GGA1: variants seen among roughly 807,000 people sequenced by gnomAD.
GGA1 encodes the protein ADP-ribosylation factor-binding protein GGA1.
In GGA1, 18 loss-of-function variants were observed where a neutral mutation model predicts 76.9. That is an observed-to-expected ratio of 0.23 (90% CI 0.16 to 0.35). The LOEUF (loss-of-function observed/expected upper bound fraction) is 0.35. Ranked by LOEUF, GGA1 falls within the 10% of genes least tolerant of loss-of-function variation. The pLI is 1.00. For synonymous variants in GGA1, 342 were observed against 354.7 expected (o/e 0.96, Z 0.40); for missense variants, 755 against 859.0 (o/e 0.88, Z 1.51).
rs1455938705 is a variant in GGA1, at chr22:37,614,204, C to A, written c.58C>A (p.Pro20Thr). The A allele has an allele frequency of 3.1e-6, 5 of 1,613,084 alleles. No individual in the cohort carries two copies. In the Admixed American group the frequency reaches 5.0e-5, roughly 16 times the overall value. Reference sequence around the variant, plus strand: ...TCCTCTTCCAGATAGAGCCACGAACCCCCTGAACAAGGAGCTCGACTGGGC... The same window carrying A: ...TCCTCTTCCAGATAGAGCCACGAACACCCTGAACAAGGAGCTCGACTGGGC... ...LEARINRATN[P>T]LNKELDWASI... is the part of the protein sequence containing the mutation. Residue 20 changes from proline (P) to threonine (T), a missense_variant, in exon 2 of 17, where the codon CCC (proline) becomes ACC (threonine). Pro to Thr is a conservative substitution (Grantham distance 38, BLOSUM62 -1). Transcript: ENST00000343632.
Position 37,629,987 on chromosome 22 carries a change from T to C in GGA1, c.1159-11T>C, listed in dbSNP as rs1304971252. On this transcript the variant is annotated splice_polypyrimidine_tract_variant and intron_variant, in intron 12 of 16. Transcript: ENST00000343632. ...GACAGCCCCACCCCACCTGCATCCT[T>C]TTCCCCACAGTCGTCGGATGCCACT... The C allele has an allele frequency of 6.5e-7, 1 of 1,538,774 alleles. No homozygotes were observed. The highest frequency in any genetic ancestry group is 8.8e-7 in the Non-Finnish European group (1 of 1,139,332).
chr22:37,624,906 C>T lies in GGA1; in HGVS notation c.833-63C>T. On this transcript the variant is annotated intron_variant, in intron 9 of 16. Transcript: ENST00000343632. The surrounding 1 kb of genome is among the most constrained non-coding windows in gnomAD (Gnocchi z 4.3). ...GCTGTGATGGATGTGGGGTCCTCGTCCCCTGCCGCCCAGAGGCCCCCACAG... is the reference window on the plus strand; with the variant it reads ...GCTGTGATGGATGTGGGGTCCTCGTTCCCTGCCGCCCAGAGGCCCCCACAG... 1 of 1,531,384 alleles carries T rather than the reference C, an allele frequency of 6.5e-7. No homozygotes were observed. The allele number at this position is 1,531,384 out of a possible 1,614,324, so 94.9% of individuals were successfully genotyped here.
chr22:37,629,523 C>A lies in GGA1; in HGVS notation c.1155C>A (p.Phe385Leu), dbSNP rs774772612. ...TGGATGGTACCGGATGGAACAGCTT[C>A]CAGGTAGGAGGGGACCACAAACTAG... ...PSLDGTGWNS[F>L]QSSDATEPPA... The change falls in exon 12 of 17, where the codon TTC becomes TTA. Residue 385 changes from phenylalanine to leucine, a missense_variant. By Grantham distance (22) the Phe-to-Leu change is conservative (BLOSUM62 0). Transcript: ENST00000343632. 6.4e-7 allele frequency: 1 copy of A among 1,573,922 alleles called. No homozygotes were observed. Among genetic ancestry groups the A allele is most frequent in the Non-Finnish European group, 8.6e-7 (1 of 1,162,332 alleles).
At chr22:37,620,574 C>A (rs1929698365) in intron 5 of GGA1, among the ~76,000 whole-genome samples, 1 of 152,200 alleles carries the variant, frequency 6.6e-6, no homozygotes, top group African/African-American at 2.4e-5. Context: ...TCAAGCTTCC[C>A]CTCAAAGAGT....
At chr22:37,621,763 G>A in intron 7 of GGA1, 67 bp downstream of exon 7, 1 of 1,020,960 alleles carries the variant, frequency 9.8e-7, no homozygotes, top group South Asian at 1.4e-5. Context: ...CACTGAGATG[G>A]GGCTGTATGC....
rs933908433 is a variant in GGA1, at chr22:37,630,055, A to G, written c.1216A>G (p.Ser406Gly). The G allele has an allele frequency of 2.5e-6, 4 of 1,606,004 alleles. No homozygotes were observed. The Admixed American group carries it at 5.0e-5, about 20-fold the overall frequency. The change falls in exon 13 of 17, where the codon AGC becomes GGC. Residue 406 changes from serine to glycine, a missense_variant. Physicochemically the swap from Ser to Gly is moderately conservative, Grantham distance 56. Transcript: ENST00000343632. The part of the protein sequence containing the change: ...PALAQAPSME[S>G]RPPAQTSLPA... The stretch of plus-strand genomic sequence containing the variant: ...TCTGGCCCAGGCCCCCAGTATGGAA[A>G]GCCGACCCCCAGCGCAGACATCCCT...
chr22:37,630,691 T>C (rs1931644698), intron 13 of GGA1: 1 of 554,936 alleles, frequency 1.8e-6, no homozygotes, highest in Admixed American at 3.6e-5. Context: ...GTCAGGCTCC[T>C]GAGTAGCTGG....
chr22:37,610,167 TG>T (rs1339971756), intron 1 of GGA1: 3 of 151,978 alleles, frequency 2.0e-5, no homozygotes, highest in Non-Finnish European at 4.4e-5. Context: ...TTAGAAACAG[TG>T]GGGGTTTTCT....
At chr22:37,631,226 G>A (rs1387520892) in intron 14 of GGA1, 127 bp downstream of exon 14, 8 of 699,040 alleles carry the variant, frequency 1.1e-5, no homozygotes, top group African/African-American at 9.2e-5. Flanking sequence ...CCAGAGGGGA[G>A]CTCTGAACAA....
In GGA1 at chr22:37,632,491, C is replaced by T. The variant is rs140244446; in HGVS notation, c.1785C>T (p.Val595=). The T allele has an allele frequency of 1.3e-5, 21 of 1,613,380 alleles. No homozygotes were observed. In the African/African-American group the frequency reaches 2.4e-4, roughly 18 times the overall value. ...TCCACCCCTCAGCAATCACCCAGGT[C>T]CTGCTGCTTGCCAACCCCCAGAAGG... ...PIVHPSAITQ[V]LLLANPQKEK... Residue 595 remains valine (V), a synonymous_variant, in exon 16 of 17, where the codon GTC becomes GTT. Transcript: ENST00000343632. The surrounding 1 kb of genome is among the most constrained non-coding windows in gnomAD (Gnocchi z 5.1).
chr22:37,609,376 C>T (rs890324956), intron 1 of GGA1: 13 of 1,068,848 alleles, frequency 1.2e-5, no homozygotes, highest in South Asian at 2.0e-5. Flanking sequence ...CACATTTGCT[C>T]ATTACCCCGT....
chr22:37,618,583 C>A, intron 4 of GGA1, 37 bp downstream of exon 4: 2 of 1,284,516 alleles, frequency 1.6e-6, no homozygotes, highest in Non-Finnish European at 2.3e-6. Flanking sequence ...CCTGCCCTGT[C>A]GGATGTGGGG....
In GGA1 at chr22:37,632,324, G is replaced by C; in HGVS notation, c.1699-81G>C. Reference sequence around the variant, plus strand: ...ACTGAGCCCCAGGATCCCCGGAGGGGAGCTGGCAGGCTGGGCCTGGTTCCT... The same window carrying C: ...ACTGAGCCCCAGGATCCCCGGAGGGCAGCTGGCAGGCTGGGCCTGGTTCCT... On this transcript the variant is annotated intron_variant, in intron 15 of 16. Transcript: ENST00000343632. This position sits in a 1 kb window ranked among gnomAD's most constrained non-coding sequence, Gnocchi z 5.1. The C allele has an allele frequency of 7.5e-7, 1 of 1,334,882 alleles. No individual in the cohort carries two copies. Among genetic ancestry groups the C allele is most frequent in the Non-Finnish European group, 1.1e-6 (1 of 931,986 alleles). 82.7% of individuals were successfully genotyped at this position (1,334,882 alleles called of 1,614,324 possible). A position where few individuals can be genotyped will look rare whatever the true frequency, so the allele number is the denominator to read the frequency against.
chr22:37,619,879 C>A, intron 4 of GGA1: 1 of 753,204 alleles, frequency 1.3e-6, no homozygotes, highest in South Asian at 1.4e-5. Flanking sequence ...CCTCCCAGTT[C>A]CACCCTCACC....
At position 37,625,708 on chromosome 22, in the gene GGA1, G is replaced by A; in HGVS notation, c.941-89G>A. On this transcript the variant is annotated intron_variant, in intron 10 of 16. Transcript: ENST00000343632. The surrounding 1 kb of genome is among the most constrained non-coding windows in gnomAD (Gnocchi z 4.1). ...CAGGAGACCAGTGGTAAAGCATCGG[G>A]GGTTAGGTGTTGCTCCCCCGCAACC... 1 of 1,001,724 alleles carries A rather than the reference G, an allele frequency of 1.0e-6. No homozygotes were observed. Among genetic ancestry groups the A allele is most frequent in the Middle Eastern group, 2.3e-4 (1 of 4,424 alleles). The allele number at this position is 1,001,724 out of a possible 1,614,324, so 62.1% of individuals were successfully genotyped here.
chr22:37,629,480 C>T lies in GGA1; in HGVS notation c.1112C>T (p.Pro371Leu), dbSNP rs1275725601. The change falls in exon 12 of 17, where the codon CCC becomes CTC. Residue 371 changes from proline (P) to leucine (L), a missense_variant. By Grantham distance (98) the Pro-to-Leu change is moderately conservative. Transcript: ENST00000343632. ...CCCTCAGGCCTCAGTGACCCCACAC[C>T]CCCTTCAGGCCCAAGCCTGGATGGT... ...LMSLGLSDPT[P>L]PSGPSLDGTG... 6.3e-7 allele frequency: 1 copy of T among 1,591,268 alleles called. No homozygotes were observed. The highest frequency in any genetic ancestry group is 8.5e-7 in the Non-Finnish European group (1 of 1,170,674).
intron 6 of GGA1, 110 bp from the exon 7 acceptor site, chr22:37,621,498 AGCTTAAGT>A: frequency 1.5e-6 from 1 of 659,514 alleles, no homozygotes; most frequent in South Asian, 1.8e-5. Context: ...TTTCACAGAG[AGCTTAAGT>A]AACTTACTCA....
intron 2 of GGA1, among the ~76,000 whole-genome samples, chr22:37,616,219 A>C (rs953833394): frequency 6.6e-6 from 1 of 152,100 alleles, no homozygotes; most frequent in African/African-American, 2.4e-5. Context: ...TGTGCTTTGG[A>C]GTCGTGCTGC....
chr22:37,632,498 C>A lies in GGA1; in HGVS notation c.1792C>A (p.Leu598Ile). Residue 598 changes from leucine to isoleucine, a missense_variant, in exon 16 of 17, where the codon CTT becomes ATT. Transcript: ENST00000343632. The surrounding 1 kb of genome is among the most constrained non-coding windows in gnomAD (Gnocchi z 5.1). Reference sequence around the variant, plus strand: ...CTCAGCAATCACCCAGGTCCTGCTGCTTGCCAACCCCCAGAAGGTAAGGGG... The same window carrying A: ...CTCAGCAATCACCCAGGTCCTGCTGATTGCCAACCCCCAGAAGGTAAGGGG... ...HPSAITQVLLLANPQKEKVRL... is the reference protein window; with the variant it reads ...HPSAITQVLLIANPQKEKVRL... 1 of 1,612,832 alleles carries A rather than the reference C, an allele frequency of 6.2e-7. No homozygotes were observed. Among genetic ancestry groups the A allele is most frequent in the Non-Finnish European group, 8.5e-7 (1 of 1,178,902 alleles).
Sources: allele counts gnomAD v4.1 joint callset (sites outside exome capture counted in the v4.1 genomes callset), GRCh38; gene constraint gnomAD v4.1.1; non-coding constraint Gnocchi (gnomAD v3.1); transcripts MANE v1.5; gene names NCBI Gene and HGNC (gene_info 2026-07-23, HGNC 2026-07-21).